The following GMEB2 variants were observed in gnomAD, a reference collection of about 807,000 sequenced individuals.
GMEB2 encodes the protein glucocorticoid modulatory element binding protein 2.
Under a neutral mutation model 45.7 loss-of-function variants are expected in GMEB2, and 7 were observed. That is an observed-to-expected ratio of 0.15 (90% CI 0.09 to 0.29). The LOEUF (loss-of-function observed/expected upper bound fraction) is 0.29. Ranked by LOEUF, GMEB2 falls within the 10% of genes least tolerant of loss-of-function variation. The pLI is 1.00. For missense variants in GMEB2, 582 were observed against 739.2 expected, an observed-to-expected ratio of 0.79 and a Z score of 2.47; for synonymous variants, 322 against 323.6, an observed-to-expected ratio of 1.00 and a Z score of 0.05.
rs543715053 is a variant in GMEB2, at chr20:63,612,737, G to C, written c.131+6530C>G. The stretch of plus-strand genomic sequence containing the variant: ...ATCACAGACCGGGCAAAGCAGAGGA[G>C]AGCCACCCAGCCGAGCCTACCTGTG... On this transcript the variant is annotated intron_variant, in intron 2 of 9. Coordinates refer to ENST00000370077, the MANE Select transcript of GMEB2 (RefSeq NM_012384.5). Among the ~76,000 whole-genome samples, 11 of 151,638 alleles carry C rather than the reference G, an allele frequency of 7.3e-5. No homozygotes were observed. The South Asian group carries it at 2.1e-3, about 29-fold the overall frequency.
rs200206449 is a variant in GMEB2 at position 63,619,288 on chromosome 20, G to A, written c.110C>T (p.Thr37Met). ...GVEGVKTVLV[T>M]TNLAPHGGDL... Reference sequence around the variant, plus strand: ...TTACCCGTGAGGGGCCAAGTTGGTCGTCACCAACACGGTCTTCACCCCCTC... The same window carrying A: ...TTACCCGTGAGGGGCCAAGTTGGTCATCACCAACACGGTCTTCACCCCCTC... Residue 37 changes from threonine to methionine, a missense_variant, in exon 2 of 10, where the codon ACG (threonine) becomes ATG (methionine). Thr to Met is a moderately conservative substitution (Grantham distance 81). This residue lies in a region of GMEB2 where 114 missense variants were observed against 123.4 expected (regional missense o/e 0.92). Coordinates refer to ENST00000370077, the MANE Select transcript of GMEB2 (RefSeq NM_012384.5). The surrounding 1 kb of genome is among the most constrained non-coding windows in gnomAD (Gnocchi z 4.6). The A allele has an allele frequency of 1.1e-5, 18 of 1,611,070 alleles. No homozygotes were observed. The highest frequency in any genetic ancestry group is 1.4e-5 in the Non-Finnish European group (17 of 1,179,282).
At chr20:63,605,640 G>A (rs1569054021) in intron 2 of GMEB2, among the ~76,000 whole-genome samples, 1 of 151,944 alleles carries the variant, frequency 6.6e-6, no homozygotes, top group Non-Finnish European at 1.5e-5. Context: ...CGAGCACCCA[G>A]AACGGCACCC....
intron 3 of GMEB2, 96 bp downstream of exon 3, chr20:63,604,647 C>G (rs2089504094): frequency 1.3e-6 from 1 of 791,544 alleles, no homozygotes; most frequent in South Asian, 1.4e-5. Flanking sequence ...GAACAAAGAC[C>G]TTGTATATCT....
rs1433542633 is a variant in GMEB2 at position 63,593,076 on chromosome 20, C to T, written c.626G>A (p.Gly209Glu). The change falls in exon 7 of 10, where the codon GGG becomes GAG. Residue 209 changes from glycine to glutamate, a missense_variant. This residue lies in a region of GMEB2 where 462 missense variants were observed against 586.7 expected (regional missense o/e 0.79). Transcript: ENST00000370077. The surrounding 1 kb of genome is among the most constrained non-coding windows in gnomAD (Gnocchi z 4.7). ...CTCTATGGTGATGGTCGCAGGAGAC[C>T]CATTCACTGCAGCCGAAAGGGAACC... ...PLTPAAADVN[G>E]SPATITIETC... The T allele has an allele frequency of 6.2e-7, 1 of 1,608,738 alleles. No individual in the cohort carries two copies.
intron 1 of GMEB2, among the ~76,000 whole-genome samples, chr20:63,623,013 T>TGAG (rs1569060552): frequency 6.6e-6 from 1 of 152,040 alleles, no homozygotes; most frequent in Non-Finnish European, 1.5e-5. Context: ...AGAACACCAG[T>TGAG]GAGGGCTCCA....
intron 2 of GMEB2, among the ~76,000 whole-genome samples, chr20:63,610,115 G>A (rs1325987166): frequency 6.6e-6 from 1 of 152,252 alleles, no homozygotes; most frequent in East Asian, 1.9e-4. Flanking sequence ...TGCCTCTGGG[G>A]AGATGATGTG....
chr20:63,603,134 A>G, intron 3 of GMEB2, 42 bp from the exon 4 acceptor site: 1 of 1,608,050 alleles, frequency 6.2e-7, no homozygotes, highest in Non-Finnish European at 8.5e-7. Flanking sequence ...AAAGCAGAAC[A>G]TCAGTTACAA....
At chr20:63,590,817 T>C (rs2083140665) in intron 9 of GMEB2, 88 bp from the exon 10 acceptor site, 1 of 846,766 alleles carries the variant, frequency 1.2e-6, no homozygotes, top group Non-Finnish European at 1.7e-6. Context: ...CCACACCATC[T>C]GGGTGGCCCC....
chr20:63,615,390 C>A, intron 2 of GMEB2, among the ~76,000 whole-genome samples: 1 of 152,038 alleles, frequency 6.6e-6, no homozygotes, highest in East Asian at 1.9e-4. Flanking sequence ...AGTGGCATGA[C>A]CTTGGCTCAC....
At chr20:63,605,923 C>G (rs913360528) in intron 2 of GMEB2, among the ~76,000 whole-genome samples, 1 of 152,094 alleles carries the variant, frequency 6.6e-6, no homozygotes, top group African/African-American at 2.4e-5. Flanking sequence ...CCACTGCATT[C>G]CAGCCTGGGC....
intron 4 of GMEB2, among the ~76,000 whole-genome samples, chr20:63,601,951 G>A (rs1285461634): frequency 1.3e-5 from 2 of 151,168 alleles, no homozygotes; most frequent in Non-Finnish European, 2.9e-5. Flanking sequence ...CTTCTGTGGG[G>A]CCTGTGGCTT....
intron 2 of GMEB2, among the ~76,000 whole-genome samples, chr20:63,605,671 G>A (rs113197729): frequency 0.096 from 14,541 of 152,014 alleles, 895 homozygotes; most frequent in Non-Finnish European, 0.14. Context: ...GCCAGCAGGT[G>A]AGGCTGGGTG....
chr20:63,592,949 T>A lies in GMEB2; in HGVS notation c.691+62A>T. 1.8e-6 allele frequency: 2 copies of A among 1,121,134 alleles called. No individual in the cohort carries two copies. Among genetic ancestry groups the A allele is most frequent in the Non-Finnish European group, 2.7e-6 (2 of 749,834 alleles). 69.4% of individuals were successfully genotyped at this position (1,121,134 alleles called of 1,614,324 possible). On this transcript the variant is annotated intron_variant, in intron 7 of 9. Coordinates refer to ENST00000370077, the MANE Select transcript of GMEB2 (RefSeq NM_012384.5). The surrounding 1 kb of genome is among the most constrained non-coding windows in gnomAD (Gnocchi z 8.2). ...CCTGGAGCCCCTGTGTGGCCCGAGGTGGGCAGAGACTCCACCACCCCGCCA... is the reference window on the plus strand; with the variant it reads ...CCTGGAGCCCCTGTGTGGCCCGAGGAGGGCAGAGACTCCACCACCCCGCCA...
At position 63,590,341 on chromosome 20, in the gene GMEB2, G is replaced by A. The variant is rs762630644; in HGVS notation, c.1341C>T (p.Ile447=). ...SGSTYPSTVE[I]HPDASSLTVL... ...CCGTGAGGCTGGACGCGTCCGGGTG[G>A]ATCTCCACTGTGCTGGGGTAGGTGG... Residue 447 remains isoleucine, a synonymous_variant, in exon 10 of 10, where the codon ATC becomes ATT. Coordinates refer to ENST00000370077, the MANE Select transcript of GMEB2 (RefSeq NM_012384.5). 2.5e-6 allele frequency: 4 copies of A among 1,611,800 alleles called. No individual in the cohort carries two copies. The highest frequency in any genetic ancestry group is 2.5e-6 in the Non-Finnish European group (3 of 1,179,320).
intron 5 of GMEB2, among the ~76,000 whole-genome samples, chr20:63,595,977 C>T (rs965988625): frequency 1.3e-5 from 2 of 152,332 alleles, no homozygotes; most frequent in African/African-American, 2.4e-5. Flanking sequence ...CCCAGGCCCA[C>T]GCTACGGCAC....
Position 63,589,704 on chromosome 20 carries a change from GTC to G in GMEB2, c.*383_*384del, listed in dbSNP as rs1414643289. ...GGGGCCTCGTGACCTGCTGCACCGC[GTC>G]CAGCACCTGCAGGGTCGCGCTCGGC... On this transcript the variant is annotated 3_prime_UTR_variant, in exon 10 of 10. Coordinates refer to ENST00000370077, the MANE Select transcript of GMEB2 (RefSeq NM_012384.5). The G allele has an allele frequency of 5.1e-6, 1 of 194,254 alleles. No individual in the cohort carries two copies. The highest frequency in any genetic ancestry group is 1.0e-5 in the Non-Finnish European group (1 of 96,624). The allele number at this position is 194,254 out of a possible 1,614,324, so 12.0% of individuals were successfully genotyped here. A position where few individuals can be genotyped will look rare whatever the true frequency, so the allele number is the denominator to read the frequency against.
At chr20:63,591,194 GCA>G (rs1001520186) in intron 9 of GMEB2, among the ~76,000 whole-genome samples, 1 of 149,548 alleles carries the variant, frequency 6.7e-6, no homozygotes, top group African/African-American at 2.5e-5. Flanking sequence ...CATGCAGAGT[GCA>G]CACACACAAT....
rs764484272 is a variant in GMEB2 at position 63,592,996 on chromosome 20, G to A, written c.691+15C>T. Reference sequence around the variant, plus strand: ...GCCAGGGCTTGTGAGAAGCCCACAAGGAGGAACCTCGTACCTCCAATGGCC... The same window carrying A: ...GCCAGGGCTTGTGAGAAGCCCACAAAGAGGAACCTCGTACCTCCAATGGCC... On this transcript the variant is annotated intron_variant, in intron 7 of 9. Coordinates refer to ENST00000370077, the MANE Select transcript of GMEB2 (RefSeq NM_012384.5). This position sits in a 1 kb window ranked among gnomAD's most constrained non-coding sequence, Gnocchi z 8.2. The A allele has an allele frequency of 7.6e-6, 12 of 1,583,160 alleles. No individual in the cohort carries two copies. The East Asian group carries it at 2.0e-4, about 27-fold the overall frequency.
intron 1 of GMEB2, among the ~76,000 whole-genome samples, chr20:63,626,045 A>G (rs1416900428): frequency 6.6e-6 from 1 of 152,282 alleles, no homozygotes; most frequent in Non-Finnish European, 1.5e-5. Context: ...TGAATTACAC[A>G]GTAACCAAAT....
Sources: gnomAD v4.1 joint callset for allele counts (sites outside exome capture counted in the v4.1 genomes callset) on GRCh38, gnomAD v4.1.1 for gene constraint, gnomAD v4.1.1 regional missense constraint, Gnocchi (gnomAD v3.1) non-coding constraint, MANE v1.5 for transcripts, NCBI Gene and HGNC (gene_info 2026-07-23, HGNC 2026-07-21) for gene names.